CCT5: variants seen among roughly 807,000 people sequenced by gnomAD.
CCT5 encodes the protein T-complex protein 1 subunit epsilon.
In CCT5, 6 loss-of-function variants were observed where a neutral mutation model predicts 55.0. That is an observed-to-expected ratio of 0.11 (90% CI 0.06 to 0.22). The LOEUF (loss-of-function observed/expected upper bound fraction) is 0.22. Among genes scored for constraint, CCT5 ranks in the 10% least tolerant of loss-of-function variants. The pLI is 1.00. For missense variants in CCT5, 560 were observed against 694.6 expected, an observed-to-expected ratio of 0.81 and a Z score of 2.18; for synonymous variants, 231 against 243.7, an observed-to-expected ratio of 0.95 and a Z score of 0.49.
chr5:10,264,822 G>A lies in CCT5; in HGVS notation c.*39G>A. On this transcript the variant is annotated 3_prime_UTR_variant, in exon 11 of 11. Coordinates refer to ENST00000280326, the MANE Select transcript of CCT5 (RefSeq NM_012073.5). ...ACTATGTAGCAAGATCCACTTCTGT[G>A]ATTAAGTAAATGGATGTCTCGTGAT... 2.5e-6 allele frequency: 4 copies of A among 1,609,980 alleles called. No individual in the cohort carries two copies. Among genetic ancestry groups the A allele is most frequent in the Non-Finnish European group, 3.4e-6 (4 of 1,176,526 alleles).
intron 7 of CCT5, 117 bp from the exon 8 acceptor site, chr5:10,261,443 G>T: frequency 1.1e-6 from 1 of 927,450 alleles, no homozygotes; most frequent in Non-Finnish European, 1.8e-6. Flanking sequence ...TCAAAGTGGG[G>T]CAGCAGTTCT....
chr5:10,264,581 T>C, intron 10 of CCT5, 75 bp from the exon 11 acceptor site: 1 of 1,013,816 alleles, frequency 9.9e-7, no homozygotes, highest in Non-Finnish European at 1.6e-6. Flanking sequence ...TGTGATTCCC[T>C]AAATCAGAAA....
chr5:10,252,561 G>C lies in CCT5; in HGVS notation c.106-1584G>C, dbSNP rs535542876. ...ACCTGGGAGGCAGAGGTTGCGGTGA[G>C]CCGAGATCACGCCACTGCACTCCAG... On this transcript the variant is annotated intron_variant, in intron 1 of 10. Coordinates refer to ENST00000280326, the MANE Select transcript of CCT5 (RefSeq NM_012073.5). Among the ~76,000 whole-genome samples, 3 of 148,296 alleles carry C rather than the reference G, an allele frequency of 2.0e-5. No homozygotes were observed. The South Asian group carries it at 6.4e-4, about 31-fold the overall frequency.
In CCT5 at chr5:10,265,871, T is replaced by C. The variant is rs1746207627; in HGVS notation, c.*1088T>C. ...TCATGATGAACTTTATCACTAGTTA[T>C]GCCACCTTAACTAGTCAGATTTCCT... On this transcript the variant is annotated 3_prime_UTR_variant, in exon 11 of 11. Transcript: ENST00000280326. The C allele has an allele frequency of 1.3e-5, 2 of 152,178 alleles. No individual in the cohort carries two copies. The highest frequency in any genetic ancestry group is 2.4e-5 in the African/African-American group (1 of 41,456). The allele number at this position is 152,178 out of a possible 1,614,324, so 9.4% of individuals were successfully genotyped here.
chr5:10,260,583 G>A (rs1189350955), intron 6 of CCT5, among the ~76,000 whole-genome samples: 1 of 152,176 alleles, frequency 6.6e-6, no homozygotes, highest in Non-Finnish European at 1.5e-5. Context: ...AAACAATGAG[G>A]TGATCCCCAT....
chr5:10,256,400 A>AT (rs1254544521), intron 4 of CCT5, among the ~76,000 whole-genome samples: 1 of 152,228 alleles, frequency 6.6e-6, no homozygotes, highest in Non-Finnish European at 1.5e-5. Context: ...AGTTATTTTA[A>AT]TTTAGCAGAA....
Position 10,250,311 on chromosome 5 carries a change from T to G in CCT5, c.-30T>G. ...TCGCTTCCGTAGCGGTCTCCGCCGG[T>G]TGGGGGGAAGTAATTCCGGTTGTTG... On this transcript the variant is annotated 5_prime_UTR_variant, in exon 1 of 11. Coordinates refer to ENST00000280326, the MANE Select transcript of CCT5 (RefSeq NM_012073.5). 6.2e-7 allele frequency: 1 copy of G among 1,613,386 alleles called. No individual in the cohort carries two copies. Among genetic ancestry groups the G allele is most frequent in the South Asian group, 1.1e-5 (1 of 91,038 alleles).
At chr5:10,252,686 A>G (rs1745485000) in intron 1 of CCT5, among the ~76,000 whole-genome samples, 1 of 151,720 alleles carries the variant, frequency 6.6e-6, no homozygotes, top group South Asian at 2.1e-4. Context: ...CCTGTAACCT[A>G]AAACAGAGCA....
At chr5:10,255,195 T>C (rs536253366) in intron 3 of CCT5, among the ~76,000 whole-genome samples, 81 of 152,316 alleles carry the variant, frequency 5.3e-4, no homozygotes, top group African/African-American at 1.7e-3. Flanking sequence ...ATTGCAGATG[T>C]GTAGGAGAAT....
rs775812390 is a variant in CCT5, at chr5:10,250,294, G to A, written c.-47G>A. The A allele has an allele frequency of 1.2e-6, 2 of 1,613,324 alleles. No individual in the cohort carries two copies. Among genetic ancestry groups the A allele is most frequent in the Non-Finnish European group, 1.7e-6 (2 of 1,179,836 alleles). ...GAAAGGGAAGTGCATTCTCGCTTCC[G>A]TAGCGGTCTCCGCCGGTTGGGGGGA... is the stretch of plus-strand genomic sequence containing the variant. On this transcript the variant is annotated 5_prime_UTR_variant, in exon 1 of 11. Transcript: ENST00000280326.
chr5:10,264,094 G>A (rs1369043502), intron 10 of CCT5, among the ~76,000 whole-genome samples: 1 of 139,532 alleles, frequency 7.2e-6, no homozygotes, highest in Non-Finnish European at 1.5e-5. Flanking sequence ...CCAACATGGT[G>A]AAACACCATC....
At chr5:10,260,944 GT>G in intron 7 of CCT5, 33 bp downstream of exon 7, 1 of 1,612,352 alleles carries the variant, frequency 6.2e-7, no homozygotes, top group Non-Finnish European at 8.5e-7. Flanking sequence ...ACTTTGAGAA[GT>G]AGGGGTTCAT....
rs1704158113 is a variant in CCT5, at chr5:10,260,907, T to C, written c.989T>C (p.Ile330Thr). Residue 330 changes from isoleucine (I) to threonine (T), a missense_variant, in exon 7 of 11, where the codon ATT becomes ACT. By Grantham distance (89) the Ile-to-Thr change is moderately conservative. Transcript: ENST00000280326. ...PAVRWVGGPE[I>T]ELIAIATGGR... ...GTTCGCTGGGTAGGAGGACCTGAAA[T>C]TGAGGTAGGATGTTCCACGTGAAGA... is the stretch of plus-strand genomic sequence containing the variant. 3 of 1,613,992 alleles carry C rather than the reference T, an allele frequency of 1.9e-6. No homozygotes were observed. The highest frequency in any genetic ancestry group is 2.5e-6 in the Non-Finnish European group (3 of 1,179,946).
chr5:10,250,154 G>A (rs1220332018), upstream of CCT5: 1 of 1,536,402 alleles, frequency 6.5e-7, no homozygotes, highest in East Asian at 2.5e-5. Flanking sequence ...GATAATAGAA[G>A]TTCCCGAAGG....
chr5:10,258,088 T>G (rs1461195506), intron 4 of CCT5, 23 bp from the exon 5 acceptor site: 1 of 1,613,190 alleles, frequency 6.2e-7, no homozygotes, highest in East Asian at 2.2e-5. Context: ...CCAATGAAGT[T>G]TGTTTTGTGG....
intron 8 of CCT5, chr5:10,262,053 T>C: frequency 2.5e-6 from 1 of 405,602 alleles, no homozygotes; most frequent in Non-Finnish European, 4.6e-6. Flanking sequence ...TACAGTTACA[T>C]TAGGGGTTGG....
intron 1 of CCT5, among the ~76,000 whole-genome samples, chr5:10,251,587 T>C (rs1579444393): frequency 6.6e-6 from 1 of 152,278 alleles, no homozygotes; most frequent in East Asian, 1.9e-4. Context: ...TATGGACTCT[T>C]TGTTTGACTT....
chr5:10,252,329 C>A (rs1281198434), intron 1 of CCT5, among the ~76,000 whole-genome samples: 1 of 152,164 alleles, frequency 6.6e-6, no homozygotes, highest in Non-Finnish European at 1.5e-5. Flanking sequence ...TAGGCCAGGA[C>A]GTGAACGTTT....
chr5:10,254,245 A>G, intron 2 of CCT5, 40 bp downstream of exon 2: 1 of 1,342,836 alleles, frequency 7.4e-7, no homozygotes, highest in Middle Eastern at 1.9e-4. Flanking sequence ...CAAAAGATTT[A>G]AATTATAAAA....
Sources: allele counts gnomAD v4.1 joint callset (sites outside exome capture counted in the v4.1 genomes callset), GRCh38; gene constraint gnomAD v4.1.1; transcripts MANE v1.5; gene names NCBI Gene and HGNC (gene_info 2026-07-23, HGNC 2026-07-21).